RAP1GDS1: variants seen among roughly 807,000 people sequenced by gnomAD.
RAP1GDS1 encodes Rap1 GTPase-GDP dissociation stimulator 1.
RAP1GDS1 carries 35 observed loss-of-function variants against 71.1 expected under a neutral mutation model. That is an observed-to-expected ratio of 0.49 (90% CI 0.38 to 0.65). The LOEUF (loss-of-function observed/expected upper bound fraction) is 0.65, where lower values mean the gene tolerates loss of function less well. Ranked by LOEUF, RAP1GDS1 falls within the 30% of genes least tolerant of loss-of-function variation. The probability of loss-of-function intolerance (pLI) is 0.00; values close to 1 mark genes in which losing one functional copy is unlikely to be tolerated. For synonymous variants in RAP1GDS1, 229 were observed against 243.1 expected, an observed-to-expected ratio of 0.94 and a Z score of 0.54; for missense variants, 663 against 706.1, an observed-to-expected ratio of 0.94 and a Z score of 0.69.
At chr4:98,328,487 G>A (rs922554788) in intron 2 of RAP1GDS1, among the ~76,000 whole-genome samples, 5 of 152,154 alleles carry the variant, frequency 3.3e-5, no homozygotes, top group African/African-American at 9.7e-5. Context: ...CGTGTGATTC[G>A]TACATCAGGC....
At chr4:98,302,833 G>T (rs1164480933) in intron 2 of RAP1GDS1, among the ~76,000 whole-genome samples, 1 of 152,164 alleles carries the variant, frequency 6.6e-6, no homozygotes, top group African/African-American at 2.4e-5. Flanking sequence ...ATCACTTGAG[G>T]TCAGGAGTTG....
chr4:98,438,588 A>ATATATATATATATATATTT (rs1214035409), intron 14 of RAP1GDS1, among the ~76,000 whole-genome samples: 4 of 86,916 alleles, frequency 4.6e-5, no homozygotes, highest in African/African-American at 3.0e-4. Context: ...ATATATATAT[A>ATATATATATATATATATTT]TCTTTTTTTT....
At chr4:98,320,106 G>C (rs560166875) in intron 2 of RAP1GDS1, among the ~76,000 whole-genome samples, 1 of 152,180 alleles carries the variant, frequency 6.6e-6, no homozygotes, top group Non-Finnish European at 1.5e-5. Flanking sequence ...CAAGAATATA[G>C]TATGTAATAC....
chr4:98,369,292 A>G (rs1318000476), intron 4 of RAP1GDS1, among the ~76,000 whole-genome samples: 1 of 152,198 alleles, frequency 6.6e-6, no homozygotes, highest in Non-Finnish European at 1.5e-5. Context: ...AACTTCTTAA[A>G]TATAATGTTT....
At chr4:98,430,541 A>G (rs1194522468) in intron 12 of RAP1GDS1, among the ~76,000 whole-genome samples, 1 of 152,248 alleles carries the variant, frequency 6.6e-6, no homozygotes, top group African/African-American at 2.4e-5. Flanking sequence ...TAGATTAGTT[A>G]TGCAAATAGT....
chr4:98,284,250 T>C (rs921519231), intron 1 of RAP1GDS1, among the ~76,000 whole-genome samples: 2 of 152,110 alleles, frequency 1.3e-5, no homozygotes, highest in Non-Finnish European at 2.9e-5. Flanking sequence ...TTATTTTAGA[T>C]TCAGGGGGCA....
intron 12 of RAP1GDS1, among the ~76,000 whole-genome samples, chr4:98,424,641 A>G (rs961358959): frequency 2.0e-5 from 3 of 152,032 alleles, no homozygotes; most frequent in African/African-American, 7.2e-5. Context: ...TGCGCCTGTA[A>G]TCCCAGCTAC....
At chr4:98,293,107 G>T (rs1466663585) in intron 1 of RAP1GDS1, among the ~76,000 whole-genome samples, 1 of 152,068 alleles carries the variant, frequency 6.6e-6, no homozygotes, top group Non-Finnish European at 1.5e-5. Flanking sequence ...AGCCATAGAT[G>T]CTTTCCTGAA....
At chr4:98,287,033 T>A (rs532586984) in intron 1 of RAP1GDS1, among the ~76,000 whole-genome samples, 1 of 152,006 alleles carries the variant, frequency 6.6e-6, no homozygotes, top group Non-Finnish European at 1.5e-5. Context: ...TATTTCTTAA[T>A]CAAGACAGTT....
chr4:98,341,461 T>C (rs1735491485), intron 2 of RAP1GDS1, among the ~76,000 whole-genome samples: 1 of 152,206 alleles, frequency 6.6e-6, no homozygotes, highest in African/African-American at 2.4e-5. Flanking sequence ...TACAGTTAAA[T>C]GAGACATGCA....
At chr4:98,397,143 G>T (rs541070526) in intron 6 of RAP1GDS1, among the ~76,000 whole-genome samples, 1 of 151,972 alleles carries the variant, frequency 6.6e-6, no homozygotes, top group African/African-American at 2.4e-5. Context: ...AAGAGAAATT[G>T]GCCTTTAACC....
chr4:98,420,064 T>G lies in RAP1GDS1; in HGVS notation c.1220T>G (p.Val407Gly), dbSNP rs1185300883. ...TTATCAGCTGGGGTCACAGAGGCAG[T>G]TTTGAAATTTCTTAAATCTGAAATG... ...KMLSAGVTEAVLKFLKSEMPP... is the reference protein window; with the variant it reads ...KMLSAGVTEAGLKFLKSEMPP... Residue 407 changes from valine to glycine, a missense_variant, in exon 11 of 15, where the codon GTT becomes GGT. Physicochemically the swap from Val to Gly is moderately radical, Grantham distance 109 (BLOSUM62 -3). Transcript: ENST00000408927. The G allele has an allele frequency of 1.2e-6, 2 of 1,607,894 alleles. No homozygotes were observed. Among genetic ancestry groups the G allele is most frequent in the Non-Finnish European group, 1.7e-6 (2 of 1,176,702 alleles).
intron 1 of RAP1GDS1, among the ~76,000 whole-genome samples, chr4:98,262,841 C>G (rs943093741): frequency 6.6e-6 from 1 of 152,170 alleles, no homozygotes; most frequent in East Asian, 1.9e-4. Context: ...ATGCTTCAGG[C>G]TTTGATCCCG....
chr4:98,323,250 T>C (rs1732294532), intron 2 of RAP1GDS1, among the ~76,000 whole-genome samples: 1 of 147,152 alleles, frequency 6.8e-6, no homozygotes, highest in Non-Finnish European at 1.5e-5. Flanking sequence ...AATAGACCAA[T>C]AACAGGAGCT....
intron 4 of RAP1GDS1, among the ~76,000 whole-genome samples, chr4:98,353,223 T>C (rs1325270294): frequency 6.6e-6 from 1 of 152,176 alleles, no homozygotes; most frequent in Non-Finnish European, 1.5e-5. Flanking sequence ...ATAAACAAAA[T>C]ACAGAAAAGA....
At chr4:98,410,067 G>A (rs1024987557) in intron 7 of RAP1GDS1, among the ~76,000 whole-genome samples, 2 of 152,040 alleles carry the variant, frequency 1.3e-5, no homozygotes, top group South Asian at 2.1e-4. Context: ...CCAGGAGTTC[G>A]AGACCAGCCT....
At chr4:98,352,132 G>T (rs1737295565) in intron 3 of RAP1GDS1, among the ~76,000 whole-genome samples, 1 of 151,890 alleles carries the variant, frequency 6.6e-6, no homozygotes, top group Non-Finnish European at 1.5e-5. Context: ...CATCGCCATT[G>T]TTTCCATCAT....
intron 1 of RAP1GDS1, among the ~76,000 whole-genome samples, chr4:98,263,749 A>C (rs1722344485): frequency 6.6e-6 from 1 of 152,210 alleles, no homozygotes; most frequent in Non-Finnish European, 1.5e-5. Context: ...TCAACTTTTG[A>C]ACCTGAAGAT....
chr4:98,264,264 C>A (rs760104930), intron 1 of RAP1GDS1, among the ~76,000 whole-genome samples: 1 of 152,020 alleles, frequency 6.6e-6, no homozygotes, highest in Non-Finnish European at 1.5e-5. Flanking sequence ...GGTGTGGTGG[C>A]GGGCGCCTGT....
Sources: allele counts gnomAD v4.1 joint callset (sites outside exome capture counted in the v4.1 genomes callset), GRCh38; gene constraint gnomAD v4.1.1; transcripts MANE v1.5; gene names NCBI Gene and HGNC (gene_info 2026-07-23, HGNC 2026-07-21).